The following YAF2 variants were observed in gnomAD, a reference collection of about 807,000 sequenced individuals.
YAF2 encodes YY1-associated factor 2.
A neutral mutation model predicts 20.1 loss-of-function variants in YAF2; 7 were observed. That is an observed-to-expected ratio of 0.35 (90% CI 0.20 to 0.65). The LOEUF (loss-of-function observed/expected upper bound fraction) is 0.65, where lower values mean the gene tolerates loss of function less well. YAF2 is among the 30% of genes least tolerant of loss of function. The probability of loss-of-function intolerance (pLI) is 0.69; values close to 1 mark genes in which losing one functional copy is unlikely to be tolerated. For synonymous variants in YAF2, 74 were observed against 76.0 expected (o/e 0.97, Z 0.14); for missense variants, 151 against 219.2 (o/e 0.69, Z 1.96).
rs1368870596 is a variant in YAF2 at position 42,208,409 on chromosome 12, G to A, written c.152+29190C>T. ...CCACTGCACTCTAGCCTGGGCGATC[G>A]AGTGAGACTCTGTCTCACTTTATTT... is the stretch of plus-strand genomic sequence containing the variant. On this transcript the variant is annotated intron_variant, in intron 2 of 3. Transcript: ENST00000534854. Among the ~76,000 whole-genome samples the A allele has an allele frequency of 2.6e-5, 4 of 151,834 alleles. No individual in the cohort carries two copies. In the East Asian group the frequency reaches 5.8e-4, roughly 22 times the overall value.
chr12:42,203,029 T>C (rs891653802), intron 2 of YAF2, among the ~76,000 whole-genome samples: 1 of 152,002 alleles, frequency 6.6e-6, no homozygotes, highest in Non-Finnish European at 1.5e-5. Flanking sequence ...TTGGTTATTC[T>C]TGAACCTTTA....
chr12:42,194,915 G>A (rs936369258), intron 2 of YAF2, among the ~76,000 whole-genome samples: 1 of 152,170 alleles, frequency 6.6e-6, no homozygotes, highest in African/African-American at 2.4e-5. Context: ...GTAAATAAAT[G>A]AGATGATCAC....
chr12:42,186,242 C>A (rs1197798430), intron 2 of YAF2, among the ~76,000 whole-genome samples: 5 of 148,896 alleles, frequency 3.4e-5, no homozygotes, highest in African/African-American at 1.2e-4. Context: ...GCCTGTAATC[C>A]CAGAACTTTG....
chr12:42,207,155 G>A (rs1184160127), intron 2 of YAF2, among the ~76,000 whole-genome samples: 1 of 152,122 alleles, frequency 6.6e-6, no homozygotes, highest in African/African-American at 2.4e-5. Flanking sequence ...CTATGAGATT[G>A]AACAGAATCG....
At chr12:42,211,264 T>C (rs886804375) in intron 2 of YAF2, among the ~76,000 whole-genome samples, 1 of 150,496 alleles carries the variant, frequency 6.6e-6, no homozygotes, top group Non-Finnish European at 1.5e-5. Flanking sequence ...TCGTCTCTAC[T>C]GAAAATACAA....
intron 2 of YAF2, among the ~76,000 whole-genome samples, chr12:42,228,696 T>A: frequency 1.2e-5 from 1 of 81,308 alleles, no homozygotes; most frequent in East Asian, 4.8e-4. Flanking sequence ...AGCCGCCCCG[T>A]CCGGGAGGTG....
intron 2 of YAF2, among the ~76,000 whole-genome samples, chr12:42,182,689 G>GT (rs1285372677): frequency 6.6e-6 from 1 of 152,144 alleles, no homozygotes; most frequent in Non-Finnish European, 1.5e-5. Flanking sequence ...CGGTTGTAAT[G>GT]TTTTTTCCAC....
At chr12:42,225,082 G>C (rs1475752374) in intron 2 of YAF2, among the ~76,000 whole-genome samples, 1 of 152,206 alleles carries the variant, frequency 6.6e-6, no homozygotes, top group Non-Finnish European at 1.5e-5. Flanking sequence ...AATGGCATGA[G>C]ATACTATCTC....
At chr12:42,236,011 T>C in intron 2 of YAF2, 9 of 1,535,876 alleles carry the variant, frequency 5.9e-6, no homozygotes, top group Non-Finnish European at 7.8e-6. Context: ...CAAATAAACA[T>C]ATAGGCTCTT....
intron 2 of YAF2, chr12:42,232,067 T>A (rs948853316): frequency 6.6e-6 from 1 of 152,216 alleles, no homozygotes; most frequent in Non-Finnish European, 1.5e-5. Flanking sequence ...AAGTGCTTTA[T>A]GTGTAGTTCC....
intron 2 of YAF2, among the ~76,000 whole-genome samples, chr12:42,228,196 TG>T (rs1408372668): frequency 4.0e-5 from 2 of 50,630 alleles, no homozygotes; most frequent in African/African-American, 1.6e-4. Flanking sequence ...GGGAGGGAGG[TG>T]GGGGGGTCGG....
intron 2 of YAF2, among the ~76,000 whole-genome samples, chr12:42,199,965 T>C (rs1471600193): frequency 6.6e-6 from 1 of 152,178 alleles, no homozygotes; most frequent in African/African-American, 2.4e-5. Context: ...ATGGAATCAA[T>C]GGAAGACATC....
At chr12:42,237,385 C>T in intron 2 of YAF2, 2 of 1,257,230 alleles carry the variant, frequency 1.6e-6, no homozygotes, top group Non-Finnish European at 1.0e-6. Context: ...TCTCTCTTGG[C>T]AGCAAAAAAC....
At chr12:42,218,003 C>A (rs1344652951) in intron 2 of YAF2, among the ~76,000 whole-genome samples, 6 of 152,080 alleles carry the variant, frequency 3.9e-5, no homozygotes, top group Non-Finnish European at 5.9e-5. Flanking sequence ...ACAATCCCAA[C>A]CTTGAAAACA....
chr12:42,182,889 C>T lies in YAF2; in HGVS notation c.153-21124G>A, dbSNP rs140122474. Among the ~76,000 whole-genome samples the T allele has an allele frequency of 4.1e-4, 62 of 152,220 alleles. No individual in the cohort carries two copies. The East Asian group carries it at 0.011, about 28-fold the overall frequency. On this transcript the variant is annotated intron_variant, in intron 2 of 3. Transcript: ENST00000534854. ...ATCTTGAATAGCATGAACACAAGAGCACATCTCATTTTATTGTGCATTACT... is the reference window on the plus strand; with the variant it reads ...ATCTTGAATAGCATGAACACAAGAGTACATCTCATTTTATTGTGCATTACT...
Position 42,161,415 on chromosome 12 carries a change from C to T in YAF2, c.305+198G>A, listed in dbSNP as rs147870068. 5.6e-3 allele frequency: 2,629 copies of T among 465,676 alleles called. 9 individuals are homozygous for T. Among genetic ancestry groups the T allele is most frequent in the Non-Finnish European group, 8.0e-3 (2,303 of 288,978 alleles). 28.8% of individuals were successfully genotyped at this position (465,676 alleles called of 1,614,324 possible). A position where few individuals can be genotyped will look rare whatever the true frequency, so the allele number is the denominator to read the frequency against. The stretch of plus-strand genomic sequence containing the variant: ...TCTCGTAAAAAGAAAAAAGCATCAT[C>T]ACATTTAAGCTTGTATTTCTGGCTT... On this transcript the variant is annotated intron_variant, in intron 3 of 3. Transcript: ENST00000534854.
chr12:42,227,855 G>A (rs1317735503), intron 2 of YAF2, among the ~76,000 whole-genome samples: 1 of 135,766 alleles, frequency 7.4e-6, no homozygotes, highest in Non-Finnish European at 1.6e-5. Context: ...GGGGGGGTCA[G>A]CCCCCCGCCC....
intron 2 of YAF2, chr12:42,199,133 T>C: frequency 1.6e-6 from 2 of 1,286,328 alleles, no homozygotes; most frequent in South Asian, 2.5e-5. Flanking sequence ...AGTGACAGCT[T>C]ACCAGACTGT....
intron 2 of YAF2, among the ~76,000 whole-genome samples, chr12:42,165,061 C>CAA (rs78729667): frequency 1.4e-4 from 9 of 64,784 alleles, no homozygotes; most frequent in Non-Finnish European, 1.6e-4. Flanking sequence ...TCTTCTGGAA[C>CAA]AAAAAAAAAA....
Sources: gnomAD v4.1 joint callset for allele counts (sites outside exome capture counted in the v4.1 genomes callset) on GRCh38, gnomAD v4.1.1 for gene constraint, MANE v1.5 for transcripts, NCBI Gene and HGNC (gene_info 2026-07-23, HGNC 2026-07-21) for gene names.